FOXP1: variants seen among roughly 807,000 people sequenced by gnomAD.
FOXP1 encodes the protein forkhead box protein P1.
A neutral mutation model predicts 98.2 loss-of-function variants in FOXP1; 15 were observed. That is an observed-to-expected ratio of 0.15 (90% confidence interval 0.10 to 0.24). The LOEUF (loss-of-function observed/expected upper bound fraction) is 0.24. Among genes scored for constraint, FOXP1 ranks in the 10% least tolerant of loss-of-function variants. The probability of loss-of-function intolerance (pLI) is 1.00; values close to 1 mark genes in which losing one functional copy is unlikely to be tolerated. For synonymous variants in FOXP1, 371 were observed against 314.5 expected (o/e 1.18, Z -1.90); for missense variants, 633 against 848.5 (o/e 0.75, Z 3.15).
intron 5 of FOXP1, among the ~76,000 whole-genome samples, chr3:71,269,244 G>A (rs1181241150): frequency 8.6e-5 from 13 of 151,820 alleles, no homozygotes; most frequent in Admixed American, 7.9e-4. Context: ...TTACCTTGAA[G>A]ATGACAATTT....
At chr3:70,998,575 C>T (rs956113253) in intron 13 of FOXP1, among the ~76,000 whole-genome samples, 14 of 152,114 alleles carry the variant, frequency 9.2e-5, no homozygotes, top group Admixed American at 2.6e-4. Flanking sequence ...AAAAACATTA[C>T]GAGGAACATC....
chr3:70,997,241 G>A (rs2041507116), intron 13 of FOXP1, among the ~76,000 whole-genome samples: 1 of 152,192 alleles, frequency 6.6e-6, no homozygotes, highest in Non-Finnish European at 1.5e-5. Flanking sequence ...CCTGCTGCTG[G>A]AGGGACCTGA....
chr3:70,971,065 C>G, intron 18 of FOXP1: 4 of 454,896 alleles, frequency 8.8e-6, no homozygotes, highest in South Asian at 4.2e-5. Flanking sequence ...GGTCCTCCCT[C>G]CAGAGACCTC....
chr3:71,422,127 C>T (rs75246817), intron 3 of FOXP1, among the ~76,000 whole-genome samples: 1,920 of 152,260 alleles, frequency 0.013, 37 homozygotes, highest in African/African-American at 0.043. Flanking sequence ...TTAACTCACC[C>T]GCTAGTTTCA....
chr3:71,435,968 AAAGGAGGG>A (rs143101027), intron 3 of FOXP1, among the ~76,000 whole-genome samples: 10 of 71,424 alleles, frequency 1.4e-4, no homozygotes, highest in African/African-American at 3.6e-4. Flanking sequence ...AGGGAGGAAA[AAAGGAGGG>A]AAGGAGGGAA....
At chr3:71,116,168 C>T (rs1306830487) in intron 6 of FOXP1, among the ~76,000 whole-genome samples, 2 of 152,174 alleles carry the variant, frequency 1.3e-5, no homozygotes, top group Admixed American at 6.5e-5. Context: ...AAATTAGCTA[C>T]TGGGATCCTC....
intron 6 of FOXP1, among the ~76,000 whole-genome samples, chr3:71,169,139 C>T (rs954738009): frequency 6.6e-6 from 1 of 152,176 alleles, no homozygotes; most frequent in Non-Finnish European, 1.5e-5. Context: ...GGTGCCGTGA[C>T]TATCAACAGC....
rs1436864953 is a variant in FOXP1, at chr3:71,102,774, T to G, written c.282+9762A>C. Among the ~76,000 whole-genome samples, 13 of 152,198 alleles carry G rather than the reference T, an allele frequency of 8.5e-5. No individual in the cohort carries two copies. The East Asian group carries it at 2.5e-3, about 29-fold the overall frequency. On this transcript the variant is annotated intron_variant, in intron 7 of 20. Coordinates refer to ENST00000649528, the MANE Select transcript of FOXP1 (RefSeq NM_001349338.3). The stretch of plus-strand genomic sequence containing the variant: ...TTCCATTCCTTTTGCTTTCCCTGTT[T>G]GCGGGGCCCAGGTGGTAGCTCAGGG...
At chr3:71,406,909 CAA>C (rs2082386469) in intron 3 of FOXP1, among the ~76,000 whole-genome samples, 1 of 152,028 alleles carries the variant, frequency 6.6e-6, no homozygotes, top group Admixed American at 6.6e-5. Flanking sequence ...ACTTAGGTAC[CAA>C]GCACAGTGCT....
rs139207588 is a variant in FOXP1 at position 71,539,413 on chromosome 3, G to A, written c.-298+42136C>T. Among the ~76,000 whole-genome samples, 215 of 150,772 alleles carry A rather than the reference G, an allele frequency of 1.4e-3. 1 individual carries two copies. Among genetic ancestry groups the A allele is most frequent in the African/African-American group, 4.7e-3 (193 of 40,994 alleles). Reference sequence around the variant, plus strand: ...TGGGATTACAGGCGTGAGCCGCCGCGCTCGGTCATCTCTGTTCTTTTTCAA... The same window carrying A: ...TGGGATTACAGGCGTGAGCCGCCGCACTCGGTCATCTCTGTTCTTTTTCAA... On this transcript the variant is annotated intron_variant, in intron 2 of 20. Coordinates refer to ENST00000649528, the MANE Select transcript of FOXP1 (RefSeq NM_001349338.3).
intron 4 of FOXP1, among the ~76,000 whole-genome samples, chr3:71,309,828 A>T (rs77688869): frequency 6.6e-6 from 1 of 152,030 alleles, no homozygotes; most frequent in Non-Finnish European, 1.5e-5. Context: ...TCACATGGAC[A>T]TATCTGTTCA....
At chr3:71,083,302 C>T (rs907904973) in intron 7 of FOXP1, among the ~76,000 whole-genome samples, 2 of 152,162 alleles carry the variant, frequency 1.3e-5, no homozygotes, top group Non-Finnish European at 2.9e-5. Flanking sequence ...TCCCCTTCTG[C>T]CTTCCACCAT....
chr3:71,448,573 C>G (rs2086661488), intron 3 of FOXP1, among the ~76,000 whole-genome samples: 1 of 152,162 alleles, frequency 6.6e-6, no homozygotes, highest in South Asian at 2.1e-4. Context: ...TTTCTCCAAG[C>G]AGCAATGTCC....
chr3:71,237,324 A>T (rs1020416014), intron 5 of FOXP1, among the ~76,000 whole-genome samples: 2 of 151,816 alleles, frequency 1.3e-5, no homozygotes, highest in Admixed American at 6.6e-5. Context: ...CTAATATAAA[A>T]GATGAATGAG....
chr3:71,034,713 C>T (rs573894196), intron 11 of FOXP1, among the ~76,000 whole-genome samples: 25 of 152,242 alleles, frequency 1.6e-4, no homozygotes, highest in Non-Finnish European at 2.9e-4. Flanking sequence ...AAGAGCAAAA[C>T]AGAACCTTAA....
intron 2 of FOXP1, among the ~76,000 whole-genome samples, chr3:71,494,912 A>G (rs896377724): frequency 6.6e-6 from 1 of 151,354 alleles, no homozygotes; most frequent in African/African-American, 2.4e-5. Flanking sequence ...AGTCTATGTC[A>G]CATAGAAAAA....
intron 7 of FOXP1, among the ~76,000 whole-genome samples, chr3:71,094,278 C>CTTTTTTTTTTTTTTTT (rs1180804992): frequency 3.9e-5 from 5 of 127,824 alleles, no homozygotes; most frequent in African/African-American, 9.2e-5. Flanking sequence ...TTTTTCTTTT[C>CTTTTTTTTTTTTTTTT]TTTTTTTTTT....
At chr3:70,970,584 T>C (rs2036000943) in intron 19 of FOXP1, 152 bp downstream of exon 19, 1 of 732,190 alleles carries the variant, frequency 1.4e-6, no homozygotes, top group African/African-American at 1.7e-5. Flanking sequence ...CCGATGTGTT[T>C]GCCTCCAGGG....
chr3:71,153,720 C>G (rs1001994462), intron 6 of FOXP1, among the ~76,000 whole-genome samples: 1 of 152,098 alleles, frequency 6.6e-6, no homozygotes, highest in South Asian at 2.1e-4. Context: ...AATAAATCCA[C>G]TCAAAGCTCC....
Sources: allele counts gnomAD v4.1 joint callset (sites outside exome capture counted in the v4.1 genomes callset), GRCh38; gene constraint gnomAD v4.1.1; transcripts MANE v1.5; gene names NCBI Gene and HGNC (gene_info 2026-07-23, HGNC 2026-07-21).